Variants in PTPRD observed in about 807,000 individuals in gnomAD.
PTPRD encodes receptor-type tyrosine-protein phosphatase delta.
PTPRD carries 34 observed loss-of-function variants against 214.5 expected under a neutral mutation model. That is an observed-to-expected ratio of 0.16 (90% CI 0.12 to 0.21). PTPRD has a LOEUF of 0.21. Ranked by LOEUF, PTPRD falls within the 10% of genes least tolerant of loss-of-function variation. The pLI is 1.00. For missense variants in PTPRD, 2,545 were observed against 2,398.7 expected, an observed-to-expected ratio of 1.06 and a Z score of -1.27; for synonymous variants, 1,128 against 845.7, an observed-to-expected ratio of 1.33 and a Z score of -5.79.
At chr9:8,418,247 T>C (rs1015718520) in intron 35 of PTPRD, among the ~76,000 whole-genome samples, 7 of 151,884 alleles carry the variant, frequency 4.6e-5, no homozygotes, top group Admixed American at 2.0e-4. Context: ...TTCTAAATTC[T>C]ACCTTCCTTT....
intron 7 of PTPRD, among the ~76,000 whole-genome samples, chr9:9,677,907 C>A (rs1206119213): frequency 2.0e-5 from 3 of 152,062 alleles, no homozygotes; most frequent in African/African-American, 7.2e-5. Flanking sequence ...AAATCACAAG[C>A]GTTCTTACAC....
intron 10 of PTPRD, among the ~76,000 whole-genome samples, chr9:9,021,045 T>C (rs529174246): frequency 2.1e-4 from 32 of 152,320 alleles, no homozygotes; most frequent in Admixed American, 1.8e-3. Flanking sequence ...ATTAACCTAA[T>C]GTGCTGCCAA....
At chr9:9,568,832 G>A (rs989799522) in intron 8 of PTPRD, among the ~76,000 whole-genome samples, 14 of 151,778 alleles carry the variant, frequency 9.2e-5, no homozygotes, top group Non-Finnish European at 4.4e-5. Flanking sequence ...GCTGGAGGAT[G>A]ACTGTAGACC....
intron 6 of PTPRD, among the ~76,000 whole-genome samples, chr9:9,738,323 A>G (rs140996098): frequency 1.6e-4 from 25 of 151,666 alleles, no homozygotes; most frequent in African/African-American, 3.9e-4. Flanking sequence ...ATCTCACTGT[A>G]GTTTTAATGT....
At chr9:8,389,598 C>CA (rs545237540) in intron 36 of PTPRD, among the ~76,000 whole-genome samples, 191 bp from the exon 37 acceptor site, 97 of 151,972 alleles carry the variant, frequency 6.4e-4, no homozygotes, top group African/African-American at 2.2e-3. Context: ...AAAAAGTATG[C>CA]AAAAAAGTGT....
intron 9 of PTPRD, among the ~76,000 whole-genome samples, chr9:9,267,118 A>C (rs1940233836): frequency 6.6e-6 from 1 of 151,308 alleles, no homozygotes; most frequent in Non-Finnish European, 1.5e-5. Flanking sequence ...ATCACCACGC[A>C]TTATATGTAT....
intron 9 of PTPRD, among the ~76,000 whole-genome samples, chr9:9,396,466 G>A (rs1478241079): frequency 5.3e-5 from 8 of 151,902 alleles, no homozygotes; most frequent in African/African-American, 1.9e-4. Context: ...ATACAATAAG[G>A]CTTTTAATAT....
intron 11 of PTPRD, among the ~76,000 whole-genome samples, chr9:8,822,773 G>A (rs2154527181): frequency 6.6e-6 from 1 of 152,228 alleles, no homozygotes; most frequent in South Asian, 2.1e-4. Flanking sequence ...GCTGACAATG[G>A]AACAGAACTG....
In PTPRD at chr9:9,939,555, A is replaced by T. The variant is rs188192678; in HGVS notation, c.-471-945T>A. Among the ~76,000 whole-genome samples, 370 of 152,270 alleles carry T rather than the reference A, an allele frequency of 2.4e-3. 7 individuals are homozygous for T. Among genetic ancestry groups the T allele is most frequent in the Middle Eastern group, 0.01 (3 of 294 alleles). On this transcript the variant is annotated intron_variant, in intron 4 of 45. Coordinates refer to ENST00000381196, the MANE Select transcript of PTPRD (RefSeq NM_002839.4). ...AAACCAGGATTGACCAGGTCAATAA[A>T]ACCTATTTCTTGATCTAACTGCCAG...
chr9:8,648,819 G>A (rs1285690704), intron 12 of PTPRD, among the ~76,000 whole-genome samples: 1 of 152,192 alleles, frequency 6.6e-6, no homozygotes. Context: ...TGACCAAAAA[G>A]AACCTCTACC....
At chr9:8,845,228 A>G (rs1333448995) in intron 11 of PTPRD, among the ~76,000 whole-genome samples, 1 of 152,136 alleles carries the variant, frequency 6.6e-6, no homozygotes, top group Non-Finnish European at 1.5e-5. Context: ...CCTGGTCCTA[A>G]CAGTTAACAC....
intron 10 of PTPRD, among the ~76,000 whole-genome samples, chr9:9,180,580 T>A (rs2099927642): frequency 6.6e-6 from 1 of 152,080 alleles, no homozygotes; most frequent in Non-Finnish European, 1.5e-5. Flanking sequence ...ACATGTACTC[T>A]AAAACTTAAA....
chr9:9,015,040 T>TAACTA (rs1230770961), intron 11 of PTPRD, among the ~76,000 whole-genome samples: 2 of 152,166 alleles, frequency 1.3e-5, no homozygotes, highest in Non-Finnish European at 2.9e-5. Flanking sequence ...AAAAATGTTT[T>TAACTA]AACTATTTAA....
chr9:8,663,039 T>C (rs1160081522), intron 12 of PTPRD, among the ~76,000 whole-genome samples: 1 of 152,142 alleles, frequency 6.6e-6, no homozygotes, highest in Non-Finnish European at 1.5e-5. Flanking sequence ...GAATAATTAG[T>C]CTGTTAGCAA....
At chr9:9,564,943 G>A (rs1050647692) in intron 8 of PTPRD, among the ~76,000 whole-genome samples, 1 of 124,402 alleles carries the variant, frequency 8.0e-6, no homozygotes, top group African/African-American at 3.0e-5. Flanking sequence ...CCTGTTATGG[G>A]CTATGTACTA....
At chr9:9,873,147 G>C (rs552552816) in intron 5 of PTPRD, among the ~76,000 whole-genome samples, 1 of 152,046 alleles carries the variant, frequency 6.6e-6, no homozygotes. Context: ...AGGAAGATCC[G>C]ACGAAGAAAT....
chr9:10,473,365 G>A (rs1317253008), intron 2 of PTPRD, among the ~76,000 whole-genome samples: 1 of 152,034 alleles, frequency 6.6e-6, no homozygotes, highest in Non-Finnish European at 1.5e-5. Context: ...CCATAGTTAT[G>A]GTTGTGTCTG....
chr9:9,974,626 T>A (rs570717769), intron 4 of PTPRD, among the ~76,000 whole-genome samples: 1 of 152,188 alleles, frequency 6.6e-6, no homozygotes, highest in Non-Finnish European at 1.5e-5. Context: ...TGAGTGTTTC[T>A]CTCTGAAGCT....
chr9:10,328,299 T>G (rs1043422896), intron 3 of PTPRD, among the ~76,000 whole-genome samples: 3 of 151,792 alleles, frequency 2.0e-5, no homozygotes, highest in Non-Finnish European at 4.4e-5. Flanking sequence ...TTTTCTTATT[T>G]TTCATGATCA....
Sources: allele counts gnomAD v4.1 joint callset (sites outside exome capture counted in the v4.1 genomes callset), GRCh38; gene constraint gnomAD v4.1.1; transcripts MANE v1.5; gene names NCBI Gene and HGNC (gene_info 2026-07-23, HGNC 2026-07-21).